The following PRRC2A variants were observed in gnomAD, a reference collection of about 807,000 sequenced individuals.
PRRC2A encodes the protein proline rich coiled-coil 2A.
A neutral mutation model predicts 224.6 loss-of-function variants in PRRC2A; 59 were observed. The observed-to-expected ratio is 0.26, with a 90% CI of 0.21 to 0.33. PRRC2A has a LOEUF of 0.33. Among genes scored for constraint, PRRC2A ranks in the 10% least tolerant of loss-of-function variants. The pLI is 1.00. For synonymous variants in PRRC2A, 1,194 were observed against 1,109.5 expected, an observed-to-expected ratio of 1.08 and a Z score of -1.51; for missense variants, 3,095 against 2,880.7, an observed-to-expected ratio of 1.07 and a Z score of -1.70.
rs2150523042 is a variant in PRRC2A, at chr6:31,632,354, T to C, written c.3681T>C (p.Asn1227=). ...CCCCTGTGGCGCGCGGAGGCAGCAA[T>C]GGAGGTAGCAATGTGGGCATGGAAG... ...PLSPVARGGS[N]GGSNVGMEDG... Residue 1227 remains asparagine (N), a synonymous_variant, in exon 16 of 31, where the codon AAT becomes AAC. Transcript: ENST00000376033. 1 of 1,613,132 alleles carries C rather than the reference T, an allele frequency of 6.2e-7. No homozygotes were observed. The highest frequency in any genetic ancestry group is 8.5e-7 in the Non-Finnish European group (1 of 1,179,918).
Position 31,632,966 on chromosome 6 carries a change from G to C in PRRC2A, c.4293G>C (p.Arg1431Ser). ...CCGGGCCAGGACGAGGCGACAAGAGGAGCTGGCCCTCTCCCAAGAACCGAA... is the reference window on the plus strand; with the variant it reads ...CCGGGCCAGGACGAGGCGACAAGAGCAGCTGGCCCTCTCCCAAGAACCGAA... ...GRTGPGRGDKRSWPSPKNRSR... is the reference protein window; with the variant it reads ...GRTGPGRGDKSSWPSPKNRSR... The change falls in exon 16 of 31, where the codon AGG becomes AGC. Residue 1431 changes from arginine (R) to serine (S), a missense_variant. By Grantham distance (110) the Arg-to-Ser change is moderately radical. This residue lies in a region of PRRC2A where 2,001 missense variants were observed against 1,764.9 expected (regional missense o/e 1.13). Coordinates refer to ENST00000376033, the MANE Select transcript of PRRC2A (RefSeq NM_004638.4). 1.3e-6 allele frequency: 2 copies of C among 1,591,708 alleles called. No individual in the cohort carries two copies. The highest frequency in any genetic ancestry group is 2.2e-5 in the East Asian group (1 of 44,496).
chr6:31,636,646 C>T lies in PRRC2A; in HGVS notation c.5934+38C>T. On this transcript the variant is annotated intron_variant, in intron 27 of 30. Coordinates refer to ENST00000376033, the MANE Select transcript of PRRC2A (RefSeq NM_004638.4). The surrounding 1 kb of genome is among the most constrained non-coding windows in gnomAD (Gnocchi z 4.3). The stretch of plus-strand genomic sequence containing the variant: ...TTCACACTTCCCCTTCATTTGATTT[C>T]TCTGTCCAGTTGCTGGCTTTGATTT... 6.3e-7 allele frequency: 1 copy of T among 1,590,238 alleles called. No individual in the cohort carries two copies. The highest frequency in any genetic ancestry group is 1.1e-5 in the South Asian group (1 of 88,842).
rs558160360 is a variant in PRRC2A, at chr6:31,633,934, C to T, written c.4664C>T (p.Pro1555Leu). 2 of 1,595,734 alleles carry T rather than the reference C, an allele frequency of 1.3e-6. No homozygotes were observed. Among genetic ancestry groups the T allele is most frequent in the African/African-American group, 1.4e-5 (1 of 73,616 alleles). Residue 1555 changes from proline to leucine, a missense_variant, in exon 18 of 31, where the codon CCC becomes CTC. Transcript: ENST00000376033. ...GTPRDSAGVSPFPPKRRERPP... is the reference protein window; with the variant it reads ...GTPRDSAGVSLFPPKRRERPP... ...CCTCGGGACTCTGCCGGGGTTAGTC[C>T]CTTTCCCCCTAAACGTCGGGAGCGG... is the stretch of plus-strand genomic sequence containing the variant.
In PRRC2A at chr6:31,628,251, G is replaced by C; in HGVS notation, c.1765+12G>C. On this transcript the variant is annotated intron_variant, in intron 12 of 30. Transcript: ENST00000376033. ...CGAAGCCAGCCCAGGTATGGAGATG[G>C]GGATAGGTACTACCAGATGTCAGAT... The C allele has an allele frequency of 6.2e-7, 1 of 1,603,228 alleles. No individual in the cohort carries two copies. Among genetic ancestry groups the C allele is most frequent in the Non-Finnish European group, 8.5e-7 (1 of 1,177,246 alleles).
chr6:31,628,584 T>A (rs1033848554), intron 12 of PRRC2A: 2 of 350,994 alleles, frequency 5.7e-6, no homozygotes, highest in Non-Finnish European at 1.0e-5. Flanking sequence ...TGGCTCACAC[T>A]TGTAATCCCA....
Position 31,634,944 on chromosome 6 carries a change from A to C in PRRC2A, c.5127A>C (p.Arg1709Ser). 1 of 1,612,708 alleles carries C rather than the reference A, an allele frequency of 6.2e-7. No individual in the cohort carries two copies. ...CACCTGGCTCTGAACCTCCTAGGAGACCACCACCTGCCCCCCACGATGGGG... is the reference window on the plus strand; with the variant it reads ...CACCTGGCTCTGAACCTCCTAGGAGCCCACCACCTGCCCCCCACGATGGGG... ...EGPPGSEPPR[R>S]PPPAPHDGDR... Residue 1709 changes from arginine to serine, a missense_variant, in exon 21 of 31, where the codon AGA (arginine) becomes AGC (serine). Arg to Ser is a moderately radical substitution (Grantham distance 110). Transcript: ENST00000376033.
At chr6:31,626,407 T>C (rs1775916528) in intron 9 of PRRC2A, among the ~76,000 whole-genome samples, 1 of 151,650 alleles carries the variant, frequency 6.6e-6, no homozygotes, top group Non-Finnish European at 1.5e-5. Flanking sequence ...AAAAAAAATT[T>C]TTTAGTTGGG....
Position 31,636,172 on chromosome 6 carries a change from C to A in PRRC2A, c.5625-37C>A. ...ACTTAAGGCATTGCTAGGACTCTGG[C>A]TTCCTAACAGCTTTTCTCCCCACAA... On this transcript the variant is annotated intron_variant, in intron 25 of 30. Transcript: ENST00000376033. The surrounding 1 kb of genome is among the most constrained non-coding windows in gnomAD (Gnocchi z 4.3). 1 of 1,591,436 alleles carries A rather than the reference C, an allele frequency of 6.3e-7. No homozygotes were observed. The highest frequency in any genetic ancestry group is 1.1e-5 in the South Asian group (1 of 90,560).
At position 31,637,036 on chromosome 6, in the gene PRRC2A, C is replaced by A; in HGVS notation, c.6148-6C>A. On this transcript the variant is annotated splice_region_variant and splice_polypyrimidine_tract_variant and intron_variant, in intron 28 of 30. Coordinates refer to ENST00000376033, the MANE Select transcript of PRRC2A (RefSeq NM_004638.4). ...GGTAGGCAGCTCATGATTTTTTTCC[C>A]CTCAGCTGCATCCAGTGGAACTAAA... 6.3e-7 allele frequency: 1 copy of A among 1,597,296 alleles called. No homozygotes were observed. The highest frequency in any genetic ancestry group is 1.1e-5 in the South Asian group (1 of 88,940).
chr6:31,627,093 C>T lies in PRRC2A; in HGVS notation c.1185C>T (p.Thr395=), dbSNP rs767092319. 42 of 1,614,036 alleles carry T rather than the reference C, an allele frequency of 2.6e-5. No homozygotes were observed. The highest frequency in any genetic ancestry group is 2.5e-5 in the Non-Finnish European group (30 of 1,180,030). The change falls in exon 11 of 31, where the codon ACC becomes ACT. Residue 395 remains threonine (T), a synonymous_variant. Coordinates refer to ENST00000376033, the MANE Select transcript of PRRC2A (RefSeq NM_004638.4). The surrounding 1 kb of genome is among the most constrained non-coding windows in gnomAD (Gnocchi z 5.6). ...PPTPKTAWAE[T]SRPPETEPGP... Reference sequence around the variant, plus strand: ...CTCCTAAGACGGCCTGGGCAGAAACCTCTCGGCCTCCAGAGACAGAGCCGG... The same window carrying T: ...CTCCTAAGACGGCCTGGGCAGAAACTTCTCGGCCTCCAGAGACAGAGCCGG...
At position 31,628,132 on chromosome 6, in the gene PRRC2A, C is replaced by T. The variant is rs750242486; in HGVS notation, c.1658C>T (p.Pro553Leu). 8.7e-6 allele frequency: 14 copies of T among 1,613,052 alleles called. No homozygotes were observed. The highest frequency in any genetic ancestry group is 9.3e-6 in the Non-Finnish European group (11 of 1,180,030). Residue 553 changes from proline to leucine, a missense_variant, in exon 12 of 31, where the codon CCT becomes CTT. Physicochemically the swap from Pro to Leu is moderately conservative, Grantham distance 98. This residue lies in a region of PRRC2A where 2,001 missense variants were observed against 1,764.9 expected (regional missense o/e 1.13). Transcript: ENST00000376033. ...GAACCTGAAGAGCCAGCACAGGCCC[C>T]TCCTGCCCAATCTACTCCTACTCCA... ...ETEPEEPAQAPPAQSTPTPGV... is the reference protein window; with the variant it reads ...ETEPEEPAQALPAQSTPTPGV...
In PRRC2A at chr6:31,624,585, T is replaced by G. The variant is rs376017547; in HGVS notation, c.463+63T>G. The G allele has an allele frequency of 6.6e-4, 1,011 of 1,520,970 alleles. 8 individuals carry two copies. The African/African-American group carries it at 9.0e-3, about 14-fold the overall frequency. 94.2% of individuals were successfully genotyped at this position (1,520,970 alleles called of 1,614,324 possible). ...ACCATGGGATGCATGAACCCTGCACTGTATTTTCAGCCAAGTGACCTTGGT... is the reference window on the plus strand; with the variant it reads ...ACCATGGGATGCATGAACCCTGCACGGTATTTTCAGCCAAGTGACCTTGGT... On this transcript the variant is annotated intron_variant, in intron 5 of 30. Transcript: ENST00000376033.
Position 31,635,135 on chromosome 6 carries a change from C to G in PRRC2A, c.5164C>G (p.Leu1722Val), listed in dbSNP as rs1777173369. 1.2e-6 allele frequency: 2 copies of G among 1,613,764 alleles called. No individual in the cohort carries two copies. Among genetic ancestry groups the G allele is most frequent in the Non-Finnish European group, 1.7e-6 (2 of 1,179,872 alleles). Reference sequence around the variant, plus strand: ...CTTTACTGTGTGCCCAATCCAGGAGCTGCCCCGGGAGCAGCCTCTGCCCCC... The same window carrying G: ...CTTTACTGTGTGCCCAATCCAGGAGGTGCCCCGGGAGCAGCCTCTGCCCCC... ...PAPHDGDRKE[L>V]PREQPLPPGP... The change falls in exon 22 of 31, where the codon CTG (leucine) becomes GTG (valine). Residue 1722 changes from leucine (L) to valine (V), a missense_variant. Leu to Val is a conservative substitution (Grantham distance 32). Around this residue, in one of 8 missense-constraint regions of PRRC2A, gnomAD observed 662 missense variants for 609.5 expected, o/e 1.09. Coordinates refer to ENST00000376033, the MANE Select transcript of PRRC2A (RefSeq NM_004638.4).
In PRRC2A at chr6:31,625,814, T is replaced by G. The variant is rs769386756; in HGVS notation, c.782T>G (p.Phe261Cys). Reference sequence around the variant, plus strand: ...CAGATGTATCCCCCATATCTCCCGTTCCCTCCGCCCTATGGACCCCAGGGG... The same window carrying G: ...CAGATGTATCCCCCATATCTCCCGTGCCCTCCGCCCTATGGACCCCAGGGG... ...PPFMYPPYLP[F>C]PPPYGPQGPY... Residue 261 changes from phenylalanine to cysteine, a missense_variant, in exon 8 of 31, where the codon TTC (phenylalanine) becomes TGC (cysteine). This residue lies in a region of PRRC2A where 287 missense variants were observed against 275.3 expected (regional missense o/e 1.04). Transcript: ENST00000376033. The surrounding 1 kb of genome is among the most constrained non-coding windows in gnomAD (Gnocchi z 4.1). The G allele has an allele frequency of 6.9e-6, 11 of 1,584,850 alleles. No homozygotes were observed. The highest frequency in any genetic ancestry group is 2.7e-5 in the African/African-American group (2 of 74,184).
chr6:31,632,445 C>CGGAGGCTGAAGCAGGAACG lies in PRRC2A; in HGVS notation c.3777_3795dup (p.Asn1266AlafsTer13). ...GCAGCAGGATAAACCGCCTCGTTTC[C>CGGAGGCTGAAGCAGGAACG]GGAGGCTGAAGCAGGAACGGGAGAA... is the stretch of plus-strand genomic sequence containing the variant. On this transcript the variant is annotated frameshift_variant, in exon 16 of 31. Coordinates refer to ENST00000376033, the MANE Select transcript of PRRC2A (RefSeq NM_004638.4). LOFTEE classifies it high-confidence loss of function. 6.2e-7 allele frequency: 1 copy of CGGAGGCTGAAGCAGGAACG among 1,604,732 alleles called. No homozygotes were observed. Among genetic ancestry groups the CGGAGGCTGAAGCAGGAACG allele is most frequent in the Non-Finnish European group, 8.5e-7 (1 of 1,174,426 alleles).
intron 9 of PRRC2A, 84 bp from the exon 10 acceptor site, chr6:31,626,688 T>TC (rs1459060344): frequency 3.3e-6 from 4 of 1,205,262 alleles, no homozygotes; most frequent in Non-Finnish European, 4.7e-6. Context: ...GCATTGGTAG[T>TC]CCATCTTGTT....
Position 31,632,527 on chromosome 6 carries a change from G to C in PRRC2A, c.3854G>C (p.Gly1285Ala), listed in dbSNP as rs2736158. ...PSLTLPASAP[G>A]PEEALTTVTV... is the part of the protein sequence containing the mutation. The stretch of plus-strand genomic sequence containing the variant: ...CTAACCCTTCCAGCCTCCGCTCCTG[G>C]ACCTGAGGAGGCCCTCACAACAGTC... Residue 1285 changes from glycine (G) to alanine (A), a missense_variant, in exon 16 of 31, where the codon GGA (glycine) becomes GCA (alanine). Around this residue, in one of 8 missense-constraint regions of PRRC2A, gnomAD observed 2,001 missense variants for 1,764.9 expected, o/e 1.13. Transcript: ENST00000376033. The C allele has an allele frequency of 0.04, 64,452 of 1,609,644 alleles. 2,178 individuals are homozygous for C. The highest frequency in any genetic ancestry group is 0.14 in the African/African-American group (10,660 of 74,940).
rs770111508 is a variant in PRRC2A at position 31,632,262 on chromosome 6, C to T, written c.3589C>T (p.Pro1197Ser). 1.4e-5 allele frequency: 23 copies of T among 1,612,908 alleles called. 1 individual carries two copies. Among genetic ancestry groups the T allele is most frequent in the East Asian group, 6.7e-5 (3 of 44,860 alleles). Residue 1197 changes from proline to serine, a missense_variant, in exon 16 of 31, where the codon CCT (proline) becomes TCT (serine). By Grantham distance (74) the Pro-to-Ser change is moderately conservative (BLOSUM62 -1). Coordinates refer to ENST00000376033, the MANE Select transcript of PRRC2A (RefSeq NM_004638.4). ...PPAKSLAPKK[P>S]PTGPLPPSKE... ...AGCCAAGTCTCTGGCTCCCAAGAAA[C>T]CTCCCACAGGCCCTTTGCCACCAAG...
chr6:31,620,909 TGGTGGC>T (rs28986177), intron 1 of PRRC2A, 51 bp downstream of exon 1: 21 of 154,164 alleles, frequency 1.4e-4, no homozygotes, highest in Non-Finnish European at 2.4e-4. Context: ...GCGGGAGAGG[TGGTGGC>T]GGTGGCGGTG....
Sources: gnomAD v4.1 joint callset for allele counts (sites outside exome capture counted in the v4.1 genomes callset) on GRCh38, gnomAD v4.1.1 for gene constraint, gnomAD v4.1.1 regional missense constraint, Gnocchi (gnomAD v3.1) non-coding constraint, MANE v1.5 for transcripts, NCBI Gene and HGNC (gene_info 2026-07-23, HGNC 2026-07-21) for gene names.